Variants in SLC5A4 observed in about 807,000 individuals in gnomAD.
SLC5A4 encodes the protein solute carrier family 5 member 4.
A neutral mutation model predicts 70.3 loss-of-function variants in SLC5A4; 55 were observed. The ratio of observed to expected loss-of-function variants is 0.78; its 90% CI spans 0.63 to 0.98. SLC5A4 has a LOEUF of 0.98. Ranked by LOEUF, SLC5A4 falls within the 50% of genes least tolerant of loss-of-function variation. The pLI is 0.00. For missense variants in SLC5A4, 735 were observed against 839.2 expected (o/e 0.88, Z 1.53); for synonymous variants, 268 against 305.7 (o/e 0.88, Z 1.29).
At chr22:32,334,768 A>G in the SLC5A4 span, among the ~76,000 whole-genome samples, 3 of 152,188 alleles carry the variant, frequency 2.0e-5, no homozygotes, top group African/African-American at 4.8e-5. Context: ...GTAAGCGTAC[A>G]CACTGATCGG....
At position 32,242,703 on chromosome 22, in the gene SLC5A4, C is replaced by T. The variant is rs553442547; in HGVS notation, c.478-3613G>A. Among the ~76,000 whole-genome samples the T allele has an allele frequency of 2.6e-3, 390 of 151,260 alleles. 1 individual carries two copies. Among genetic ancestry groups the T allele is most frequent in the African/African-American group, 9.1e-3 (374 of 41,232 alleles). ...CAGCCTGGGCGACAGAGTGAGACTC[C>T]GTCTCAAAAAAAAAAGTATCAAAAT... On this transcript the variant is annotated intron_variant, in intron 5 of 14. Coordinates refer to ENST00000266086, the MANE Select transcript of SLC5A4 (RefSeq NM_014227.3).
chr22:32,309,707 C>T, the SLC5A4 span, among the ~76,000 whole-genome samples: 1 of 152,238 alleles, frequency 6.6e-6, no homozygotes, highest in Admixed American at 6.5e-5. Flanking sequence ...GTGCACACTT[C>T]TCACCCCTCG....
At chr22:32,330,903 G>A in the SLC5A4 span, among the ~76,000 whole-genome samples, 6 of 101,430 alleles carry the variant, frequency 5.9e-5, 1 homozygote, top group Non-Finnish European at 1.4e-4. Flanking sequence ...GGGCTCTCCT[G>A]TGTGTGTGTG....
In SLC5A4 at chr22:32,229,223, C is replaced by A; in HGVS notation, c.1251G>T (p.Ala417=). ...CAGCTATCAGGAGCTCTTTCTCCGA[C>A]GCTTGCTTCCGCATCTTGGTGTAGA... ...IDLYTKMRKQ[A]SEKELLIAGR... The change falls in exon 11 of 15, where the codon GCG becomes GCT. Residue 417 remains alanine (A), a synonymous_variant. Transcript: ENST00000266086. 1 of 1,613,996 alleles carries A rather than the reference C, an allele frequency of 6.2e-7. No homozygotes were observed. The highest frequency in any genetic ancestry group is 8.5e-7 in the Non-Finnish European group (1 of 1,179,938).
At chr22:32,271,555 A>G in the SLC5A4 span, 2 of 707,272 alleles carry the variant, frequency 2.8e-6, no homozygotes, top group Admixed American at 3.7e-5. Flanking sequence ...GGCCGCACAG[A>G]GGAGAGGGTC....
chr22:32,312,726 T>G, the SLC5A4 span, among the ~76,000 whole-genome samples: 17 of 151,820 alleles, frequency 1.1e-4, no homozygotes, highest in Non-Finnish European at 1.5e-5. Context: ...ACCTCGGCTG[T>G]CCCTGGCATC....
At chr22:32,228,252 T>C (rs1925520728) in intron 11 of SLC5A4, among the ~76,000 whole-genome samples, 1 of 152,086 alleles carries the variant, frequency 6.6e-6, no homozygotes. Flanking sequence ...CAAAATGCTA[T>C]GACAGGCCAG....
chr22:32,352,710 A>G, the SLC5A4 span, among the ~76,000 whole-genome samples: 1 of 152,184 alleles, frequency 6.6e-6, no homozygotes, highest in Non-Finnish European at 1.5e-5. Flanking sequence ...TGCTGCTGCC[A>G]CAACTAGCAC....
At chr22:32,317,157 A>C in the SLC5A4 span, among the ~76,000 whole-genome samples, 2 of 152,214 alleles carry the variant, frequency 1.3e-5, no homozygotes, top group African/African-American at 2.4e-5. Context: ...AGAAGTCTAT[A>C]AACACTTAAA....
the SLC5A4 span, among the ~76,000 whole-genome samples, chr22:32,311,374 C>T: frequency 6.6e-6 from 1 of 152,164 alleles, no homozygotes; most frequent in African/African-American, 2.4e-5. Context: ...GCCTCCTGAG[C>T]TAAGAACTGG....
At chr22:32,324,270 T>C in the SLC5A4 span, among the ~76,000 whole-genome samples, 4 of 115,538 alleles carry the variant, frequency 3.5e-5, no homozygotes, top group African/African-American at 1.2e-4. Context: ...CATATATGTA[T>C]ATATATATAC....
chr22:32,325,047 C>G, the SLC5A4 span, among the ~76,000 whole-genome samples: 1 of 152,234 alleles, frequency 6.6e-6, no homozygotes, highest in South Asian at 2.1e-4. Flanking sequence ...GCGGGAGTCA[C>G]GTGTCCTCCT....
At chr22:32,254,660 C>T (rs899372587) in intron 1 of SLC5A4, among the ~76,000 whole-genome samples, 6 of 152,148 alleles carry the variant, frequency 3.9e-5, no homozygotes, top group Admixed American at 6.5e-5. Flanking sequence ...AAAAGTTAGC[C>T]GGGCGTGGTG....
chr22:32,305,134 G>C, the SLC5A4 span, among the ~76,000 whole-genome samples: 1 of 151,872 alleles, frequency 6.6e-6, no homozygotes, highest in Admixed American at 6.6e-5. Context: ...CTCATGTACC[G>C]AGACCTTAAT....
chr22:32,351,956 G>A, the SLC5A4 span, among the ~76,000 whole-genome samples: 2 of 151,124 alleles, frequency 1.3e-5, no homozygotes, highest in African/African-American at 2.4e-5. Flanking sequence ...AAACCAGGCT[G>A]GAAAAAAAGA....
intron 5 of SLC5A4, among the ~76,000 whole-genome samples, chr22:32,241,801 G>GTATA (rs201956689): frequency 6.9e-6 from 1 of 145,526 alleles, no homozygotes; most frequent in Non-Finnish European, 1.5e-5. Context: ...GTGTGTGTGT[G>GTATA]TGTATATATA....
At chr22:32,316,696 A>AT in the SLC5A4 span, among the ~76,000 whole-genome samples, 542 of 148,164 alleles carry the variant, frequency 3.7e-3, 4 homozygotes, top group African/African-American at 6.9e-3. Context: ...TGCTCGGCTA[A>AT]TTTTTTTTTT....
chr22:32,353,495 G>A, the SLC5A4 span, among the ~76,000 whole-genome samples: 3 of 152,044 alleles, frequency 2.0e-5, no homozygotes, highest in Admixed American at 6.6e-5. Flanking sequence ...CCAGCAGGAG[G>A]AGATGGCCCT....
At chr22:32,219,074 G>A (rs1343478231) in intron 14 of SLC5A4, among the ~76,000 whole-genome samples, 1 of 152,034 alleles carries the variant, frequency 6.6e-6, no homozygotes. Context: ...ATAAACAGTT[G>A]AAAGAAAAAA....
Sources: gnomAD v4.1 joint callset for allele counts (sites outside exome capture counted in the v4.1 genomes callset) on GRCh38, gnomAD v4.1.1 for gene constraint, MANE v1.5 for transcripts, NCBI Gene and HGNC (gene_info 2026-07-23, HGNC 2026-07-21) for gene names.